The following DLGAP2 variants were observed in gnomAD, a reference collection of about 807,000 sequenced individuals.
DLGAP2 encodes the protein DLG associated protein 2.
In DLGAP2, 26 loss-of-function variants were observed where a neutral mutation model predicts 100.3. The observed-to-expected ratio is 0.26, with a 90% CI of 0.19 to 0.36. DLGAP2 has a LOEUF of 0.36. DLGAP2 is among the 10% of genes least tolerant of loss of function. The pLI is 1.00. For missense variants in DLGAP2, 1,858 were observed against 1,453.2 expected, an observed-to-expected ratio of 1.28 and a Z score of -4.53; for synonymous variants, 886 against 630.1, an observed-to-expected ratio of 1.41 and a Z score of -6.08.
chr8:923,177 G>T (rs1057445144), intron 2 of DLGAP2, among the ~76,000 whole-genome samples: 1 of 152,140 alleles, frequency 6.6e-6, no homozygotes, highest in African/African-American at 2.4e-5. Context: ...TGAATGAGAC[G>T]GGTGGTCTGT....
intron 2 of DLGAP2, among the ~76,000 whole-genome samples, chr8:1,162,200 G>A (rs950557753): frequency 6.6e-5 from 10 of 152,174 alleles, no homozygotes; most frequent in East Asian, 1.9e-4. Context: ...CGAGGGAGGC[G>A]GCGATTCATC....
chr8:1,198,595 G>A (rs1174323902), intron 2 of DLGAP2, among the ~76,000 whole-genome samples: 2 of 152,194 alleles, frequency 1.3e-5, no homozygotes, highest in Admixed American at 6.5e-5. Context: ...GTTTGCAGAT[G>A]AGAGTGTGTG....
Position 1,430,011 on chromosome 8 carries a change from T to TATATATATATATATAC in DLGAP2, c.107-71340_107-71339insCATATATATATATATA, listed in dbSNP as rs1554467360. Among the ~76,000 whole-genome samples the TATATATATATATATAC allele has an allele frequency of 4.8e-4, 31 of 63,956 alleles. 3 individuals are homozygous for TATATATATATATATAC. Among genetic ancestry groups the TATATATATATATATAC allele is most frequent in the Non-Finnish European group, 7.7e-4 (23 of 30,000 alleles). 42.0% of individuals were successfully genotyped at this position (63,956 alleles called of 152,430 possible). On this transcript the variant is annotated intron_variant, in intron 3 of 14. Transcript: ENST00000637795. ...GGGGAGAGATGCATATATATACATATATATATATATATATATACACACACA... is the reference window on the plus strand; with the variant it reads ...GGGGAGAGATGCATATATATACATATATATATATATATATACATATATATATATATATACACACACA...
At chr8:1,171,636 A>G (rs904082952) in intron 2 of DLGAP2, among the ~76,000 whole-genome samples, 13 of 152,178 alleles carry the variant, frequency 8.5e-5, no homozygotes, top group African/African-American at 2.7e-4. Flanking sequence ...ACCATTATGT[A>G]ATGGCCTTCT....
intron 2 of DLGAP2, among the ~76,000 whole-genome samples, chr8:986,992 G>A (rs559807506): frequency 6.6e-6 from 1 of 152,150 alleles, no homozygotes. Flanking sequence ...ATCATTTAAT[G>A]TATACAGTAA....
At chr8:1,652,885 C>T (rs555031338) in intron 8 of DLGAP2, among the ~76,000 whole-genome samples, 91 of 152,284 alleles carry the variant, frequency 6.0e-4, no homozygotes, top group Admixed American at 1.8e-3. Flanking sequence ...CATCAGCGTT[C>T]GTATCTCAAG....
chr8:1,541,344 G>A (rs1801355245), intron 4 of DLGAP2, among the ~76,000 whole-genome samples: 1 of 152,138 alleles, frequency 6.6e-6, no homozygotes, highest in Non-Finnish European at 1.5e-5. Context: ...GGCCGTTGGA[G>A]ACACAATATC....
At chr8:742,587 C>T (rs1416240165) in intron 1 of DLGAP2, among the ~76,000 whole-genome samples, 1 of 152,190 alleles carries the variant, frequency 6.6e-6, no homozygotes, top group South Asian at 2.1e-4. Context: ...TAGCTAACTG[C>T]AGTCTTGACC....
chr8:1,497,884 G>C (rs184697550), intron 3 of DLGAP2, among the ~76,000 whole-genome samples: 7 of 152,314 alleles, frequency 4.6e-5, no homozygotes, highest in African/African-American at 1.7e-4. Flanking sequence ...GTATTTTGAA[G>C]GGGTTTATTC....
At chr8:968,284 G>A (rs995183429) in intron 2 of DLGAP2, among the ~76,000 whole-genome samples, 3 of 152,088 alleles carry the variant, frequency 2.0e-5, no homozygotes, top group African/African-American at 7.2e-5. Flanking sequence ...CTGGTGCTTT[G>A]CTGATTCCTT....
At chr8:1,373,140 G>T (rs989073488) in intron 3 of DLGAP2, among the ~76,000 whole-genome samples, 1 of 152,176 alleles carries the variant, frequency 6.6e-6, no homozygotes, top group Admixed American at 6.5e-5. Context: ...GGGCGGGGGC[G>T]TCTTCATGGG....
intron 3 of DLGAP2, among the ~76,000 whole-genome samples, chr8:1,278,949 A>G (rs893865133): frequency 1.3e-5 from 2 of 152,230 alleles, no homozygotes; most frequent in Admixed American, 1.3e-4. Flanking sequence ...TACATGAGTA[A>G]AGTCACTTAT....
chr8:1,357,121 T>C (rs1382372815), intron 3 of DLGAP2, among the ~76,000 whole-genome samples: 2 of 151,836 alleles, frequency 1.3e-5, no homozygotes, highest in East Asian at 3.9e-4. Context: ...TAATATACAG[T>C]GTCTACTGCA....
chr8:888,415 G>C (rs1219634989), intron 1 of DLGAP2, among the ~76,000 whole-genome samples: 2 of 152,062 alleles, frequency 1.3e-5, no homozygotes, highest in African/African-American at 4.8e-5. Context: ...ATCCAGTTCT[G>C]CACGCTGACT....
At chr8:1,350,254 C>T (rs1801680529) in intron 3 of DLGAP2, among the ~76,000 whole-genome samples, 2 of 101,328 alleles carry the variant, frequency 2.0e-5, no homozygotes, top group Non-Finnish European at 2.1e-5. Flanking sequence ...CGTGCGGGTC[C>T]TGAGCATGTG....
intron 4 of DLGAP2, among the ~76,000 whole-genome samples, chr8:1,503,913 A>T (rs1007074296): frequency 2.0e-5 from 3 of 152,052 alleles, no homozygotes; most frequent in Non-Finnish European, 4.4e-5. Flanking sequence ...GAGAGGGAGG[A>T]ACTGCTGTAG....
At position 1,706,392 on chromosome 8, in the gene DLGAP2, T is replaced by G. The variant is rs1188087176; in HGVS notation, c.*4986T>G. 1 of 152,208 alleles carries G rather than the reference T, an allele frequency of 6.6e-6. No individual in the cohort carries two copies. The allele number at this position is 152,208 out of a possible 1,614,324, so 9.4% of individuals were successfully genotyped here. A position where few individuals can be genotyped will look rare whatever the true frequency, so the allele number is the denominator to read the frequency against. On this transcript the variant is annotated 3_prime_UTR_variant, in exon 15 of 15. Coordinates refer to ENST00000637795, the MANE Select transcript of DLGAP2 (RefSeq NM_001346810.2). The stretch of plus-strand genomic sequence containing the variant: ...TGGGAACAGGTGGTGAAAGTGTGCG[T>G]TACTGCTAAGGATTAGTCCCTGGCC...
chr8:963,841 A>T (rs1799784057), intron 2 of DLGAP2, among the ~76,000 whole-genome samples: 1 of 152,236 alleles, frequency 6.6e-6, no homozygotes, highest in African/African-American at 2.4e-5. Flanking sequence ...GAAAAATTTG[A>T]CAGCGGGATG....
At chr8:1,486,908 TC>T (rs1799248646) in intron 3 of DLGAP2, among the ~76,000 whole-genome samples, 1 of 152,144 alleles carries the variant, frequency 6.6e-6, no homozygotes, top group Admixed American at 6.6e-5. Context: ...GTCTCCACGT[TC>T]CCAATACTGC....
Sources: gnomAD v4.1 joint callset for allele counts (sites outside exome capture counted in the v4.1 genomes callset) on GRCh38, gnomAD v4.1.1 for gene constraint, MANE v1.5 for transcripts, NCBI Gene and HGNC (gene_info 2026-07-23, HGNC 2026-07-21) for gene names.